Variants in ERBIN observed in about 807,000 individuals in gnomAD.
ERBIN encodes the protein densin-180-like protein.
Under a neutral mutation model 158.4 loss-of-function variants are expected in ERBIN, and 60 were observed. The ratio of observed to expected loss-of-function variants is 0.38; its 90% CI spans 0.31 to 0.47. The LOEUF (loss-of-function observed/expected upper bound fraction) is 0.47. ERBIN is among the 20% of genes least tolerant of loss of function. The pLI, the probability that ERBIN is intolerant of heterozygous loss-of-function variation, is 0.99. For synonymous variants in ERBIN, 594 were observed against 557.2 expected, an observed-to-expected ratio of 1.07 and a Z score of -0.93; for missense variants, 1,610 against 1,648.0, an observed-to-expected ratio of 0.98 and a Z score of 0.40.
intron 1 of ERBIN, among the ~76,000 whole-genome samples, chr5:65,940,195 C>T (rs1255026259): frequency 6.6e-6 from 1 of 150,392 alleles, no homozygotes; most frequent in Non-Finnish European, 1.5e-5. Context: ...GCCTCTGCCC[C>T]GCCGCCCCGT....
intron 1 of ERBIN, among the ~76,000 whole-genome samples, chr5:65,937,515 C>G (rs1040226240): frequency 6.6e-6 from 1 of 152,110 alleles, no homozygotes; most frequent in Non-Finnish European, 1.5e-5. Context: ...TTTGACCTCT[C>G]TCCCCTTCAT....
chr5:65,988,605 T>G lies in ERBIN; in HGVS notation c.-57-30T>G, dbSNP rs576378211. ...AGTCATAAAGATCCGTTTTTATTGT[T>G]AATTTTGGTTCTTTTTTTGCTTTCC... On this transcript the variant is annotated intron_variant, in intron 1 of 25. Coordinates refer to ENST00000284037, the MANE Select transcript of ERBIN (RefSeq NM_001253697.2). The G allele has an allele frequency of 5.9e-5, 9 of 152,346 alleles. 1 individual carries two copies. The South Asian group carries it at 1.9e-3, about 32-fold the overall frequency. 9.4% of individuals were successfully genotyped at this position (152,346 alleles called of 1,614,324 possible).
chr5:65,930,641 C>T (rs1484184150), intron 1 of ERBIN, among the ~76,000 whole-genome samples: 1 of 152,138 alleles, frequency 6.6e-6, no homozygotes, highest in African/African-American at 2.4e-5. Context: ...TCTCAGTTTT[C>T]CTTTTTCTCT....
intron 19 of ERBIN, 130 bp downstream of exon 19, chr5:66,048,911 C>A: frequency 1.8e-6 from 1 of 547,568 alleles, no homozygotes. Context: ...ACATGGCTTT[C>A]TGAAAGGTTC....
intron 1 of ERBIN, among the ~76,000 whole-genome samples, chr5:65,976,284 C>T (rs550868474): frequency 9.9e-5 from 15 of 152,158 alleles, no homozygotes; most frequent in Admixed American, 2.0e-4. Flanking sequence ...GACCATCTGG[C>T]GAACATGGTG....
At chr5:65,929,639 T>TG (rs200903146) in intron 1 of ERBIN, among the ~76,000 whole-genome samples, 5,730 of 141,138 alleles carry the variant, frequency 0.041, 397 homozygotes, top group African/African-American at 0.15. Flanking sequence ...CTTTTCCTCT[T>TG]TTTTTTTTTT....
At chr5:66,068,851 G>A (rs1011721987) in intron 21 of ERBIN, 10 of 1,508,764 alleles carry the variant, frequency 6.6e-6, no homozygotes, top group Non-Finnish European at 8.8e-6. Context: ...ACTAATCTCT[G>A]TTAAATCTAT....
intron 21 of ERBIN, among the ~76,000 whole-genome samples, chr5:66,059,845 G>A (rs2151260923): frequency 6.6e-6 from 1 of 152,290 alleles, no homozygotes; most frequent in Middle Eastern, 3.4e-3. Context: ...TACGTTTATT[G>A]ATTTTCATAT....
At chr5:66,043,415 A>G (rs930399471) in intron 16 of ERBIN, among the ~76,000 whole-genome samples, 1 of 152,200 alleles carries the variant, frequency 6.6e-6, no homozygotes, top group Non-Finnish European at 1.5e-5. Context: ...CATAGTATAT[A>G]TAAATATAAG....
At chr5:65,994,721 C>T (rs375539128) in intron 3 of ERBIN, 26 bp from the exon 4 acceptor site, 17 of 1,268,782 alleles carry the variant, frequency 1.3e-5, no homozygotes, top group Middle Eastern at 1.9e-4. Context: ...ATATAATTGA[C>T]ATTCTTTCCT....
chr5:66,043,053 T>G (rs542279409), intron 15 of ERBIN, 24 bp from the exon 16 acceptor site: 5 of 1,523,130 alleles, frequency 3.3e-6, no homozygotes, highest in South Asian at 1.2e-5. Context: ...ATATAGTAGG[T>G]TTTTGTTTTT....
At chr5:66,072,467 A>G (rs959712479) in intron 22 of ERBIN, among the ~76,000 whole-genome samples, 176 bp downstream of exon 22, 1 of 152,124 alleles carries the variant, frequency 6.6e-6, no homozygotes, top group East Asian at 1.9e-4. Context: ...CCTGTCTACT[A>G]TTTCTCAGTT....
At chr5:65,972,919 C>G (rs1176416011) in intron 1 of ERBIN, among the ~76,000 whole-genome samples, 1 of 151,334 alleles carries the variant, frequency 6.6e-6, no homozygotes, top group Non-Finnish European at 1.5e-5. Flanking sequence ...TCAACCTGAC[C>G]TCTCATTGTT....
At chr5:66,063,880 G>A (rs574669311) in intron 21 of ERBIN, among the ~76,000 whole-genome samples, 4 of 151,966 alleles carry the variant, frequency 2.6e-5, no homozygotes, top group Admixed American at 6.6e-5. Context: ...ACTTATATAC[G>A]TACACACATA....
At chr5:66,001,855 A>G (rs139965833) in intron 4 of ERBIN, among the ~76,000 whole-genome samples, 6,075 of 151,890 alleles carry the variant, frequency 0.04, 411 homozygotes, top group African/African-American at 0.14. Flanking sequence ...GTGCAGGTTT[A>G]TTACATAGGT....
chr5:65,965,507 C>T (rs1169275897), intron 1 of ERBIN, among the ~76,000 whole-genome samples: 2 of 148,922 alleles, frequency 1.3e-5, no homozygotes, highest in African/African-American at 5.0e-5. Context: ...TGGGTTCAAG[C>T]GATTCTCCTG....
At chr5:66,044,990 G>A (rs1758285165) in intron 17 of ERBIN, among the ~76,000 whole-genome samples, 1 of 152,026 alleles carries the variant, frequency 6.6e-6, no homozygotes, top group South Asian at 2.1e-4. Flanking sequence ...TTAAGCAGGA[G>A]AGTCACTGGA....
chr5:66,040,414 T>G (rs1417607571), intron 15 of ERBIN, among the ~76,000 whole-genome samples: 1 of 151,938 alleles, frequency 6.6e-6, no homozygotes, highest in Non-Finnish European at 1.5e-5. Flanking sequence ...AACATTTATT[T>G]CTGATAGGAA....
rs370482413 is a variant in ERBIN, at chr5:66,048,716, G to A, written c.1838G>A (p.Arg613Gln). The change falls in exon 19 of 26, where the codon CGA becomes CAA. Residue 613 changes from arginine (R) to glutamine (Q), a missense_variant. Around this residue, in one of 2 missense-constraint regions of ERBIN, gnomAD observed 596 missense variants for 711.9 expected, o/e 0.84. Transcript: ENST00000284037. ...GAAGAGATGAAAATGGCGGAGATGC[G>A]ACCACCATTAATTGAAACCTCTATT... ...SDEEMKMAEM[R>Q]PPLIETSINQ... 7.5e-6 allele frequency: 12 copies of A among 1,607,964 alleles called. No individual in the cohort carries two copies. The highest frequency in any genetic ancestry group is 1.7e-5 in the Admixed American group (1 of 59,614).
Sources: gnomAD v4.1 joint callset for allele counts (sites outside exome capture counted in the v4.1 genomes callset) on GRCh38, gnomAD v4.1.1 for gene constraint, gnomAD v4.1.1 regional missense constraint, MANE v1.5 for transcripts, NCBI Gene and HGNC (gene_info 2026-07-23, HGNC 2026-07-21) for gene names.